The following SPRING1 variants were observed in gnomAD, a reference collection of about 807,000 sequenced individuals.
SPRING1 encodes SREBP regulating gene protein.
SPRING1 carries 14 observed loss-of-function variants against 24.7 expected under a neutral mutation model. The observed-to-expected ratio is 0.57, with a 90% confidence interval of 0.37 to 0.88. The LOEUF is 0.88. SPRING1 is among the 40% of genes least tolerant of loss of function. The pLI, the probability that SPRING1 is intolerant of heterozygous loss-of-function variation, is 0.00. For synonymous variants in SPRING1, 93 were observed against 106.1 expected (o/e 0.88, Z 0.76); for missense variants, 255 against 268.4 (o/e 0.95, Z 0.35).
rs199940069 is a variant in SPRING1, at chr12:116,719,880, T to C, written c.421-4A>G. The C allele has an allele frequency of 1.9e-6, 3 of 1,613,222 alleles. No individual in the cohort carries two copies. Among genetic ancestry groups the C allele is most frequent in the East Asian group, 2.2e-5 (1 of 44,862 alleles). ...GGAAGCGCTCCAGGAGAAGTTGCTA[T>C]GGAAACAAAAGTTAGTGCCTGTAAT... On this transcript the variant is annotated splice_region_variant and splice_polypyrimidine_tract_variant and intron_variant, in intron 3 of 4. Transcript: ENST00000261318.
chr12:116,710,238 A>G lies in SPRING1; in HGVS notation c.*7572T>C, dbSNP rs1430742558. 2.0e-5 allele frequency: 3 copies of G among 152,256 alleles called. No homozygotes were observed. Among genetic ancestry groups the G allele is most frequent in the Non-Finnish European group, 2.9e-5 (2 of 68,046 alleles). The allele number at this position is 152,256 out of a possible 1,614,324, so 9.4% of individuals were successfully genotyped here. A position where few individuals can be genotyped will look rare whatever the true frequency, so the allele number is the denominator to read the frequency against. ...ACATACAAATACAAAATCCACGTTT[A>G]TATACAAAATACAGGCAAAACGCTC... On this transcript the variant is annotated 3_prime_UTR_variant, in exon 5 of 5. Coordinates refer to ENST00000261318, the MANE Select transcript of SPRING1 (RefSeq NM_024738.4).
intron 1 of SPRING1, among the ~76,000 whole-genome samples, chr12:116,723,597 A>T (rs1269779268): frequency 1.3e-5 from 2 of 152,214 alleles, no homozygotes; most frequent in Non-Finnish European, 2.9e-5. Context: ...TACATTGTGG[A>T]ACAGAACTTA....
At chr12:116,727,452 AG>A (rs1376601117) in intron 1 of SPRING1, among the ~76,000 whole-genome samples, 9 of 152,314 alleles carry the variant, frequency 5.9e-5, no homozygotes, top group Non-Finnish European at 1.2e-4. Context: ...TCACTTCAGA[AG>A]GGCTGTATTC....
chr12:116,729,178 G>A (rs1039632558), intron 1 of SPRING1, among the ~76,000 whole-genome samples: 3 of 152,112 alleles, frequency 2.0e-5, no homozygotes, highest in Admixed American at 6.5e-5. Context: ...CTGAATCTCC[G>A]AAGCGACCTC....
intron 1 of SPRING1, 62 bp downstream of exon 1, chr12:116,737,723 GAAAGT>G: frequency 7.3e-7 from 1 of 1,364,550 alleles, no homozygotes; most frequent in South Asian, 1.4e-5. Context: ...GAAGGAAGGA[GAAAGT>G]AAAGTAAGGG....
At chr12:116,721,979 C>T (rs1870456443) in intron 2 of SPRING1, among the ~76,000 whole-genome samples, 1 of 152,168 alleles carries the variant, frequency 6.6e-6, no homozygotes. Flanking sequence ...CATCTACTAA[C>T]TCAAACGTTA....
At chr12:116,737,643 A>C in intron 1 of SPRING1, 147 bp downstream of exon 1, 4 of 843,810 alleles carry the variant, frequency 4.7e-6, no homozygotes, top group Non-Finnish European at 3.3e-6. Context: ...AAGGAAGGGA[A>C]GGGGAGAAAG....
intron 1 of SPRING1, among the ~76,000 whole-genome samples, chr12:116,724,438 G>A (rs967086785): frequency 2.8e-4 from 42 of 152,178 alleles, no homozygotes; most frequent in African/African-American, 9.7e-4. Flanking sequence ...GAAACCTGCC[G>A]GGTGTGGTGG....
chr12:116,722,869 T>C (rs1419065251), intron 2 of SPRING1, among the ~76,000 whole-genome samples, 198 bp downstream of exon 2: 2 of 152,196 alleles, frequency 1.3e-5, no homozygotes, highest in African/African-American at 4.8e-5. Flanking sequence ...GTTAGAGTTA[T>C]CAAAACAAGC....
At chr12:116,725,376 C>T (rs555810480) in intron 1 of SPRING1, among the ~76,000 whole-genome samples, 6 of 152,222 alleles carry the variant, frequency 3.9e-5, no homozygotes, top group Admixed American at 6.5e-5. Context: ...TGGTACTAGC[C>T]GCAGTTTCAG....
At chr12:116,722,996 C>G in intron 2 of SPRING1, 71 bp downstream of exon 2, 1 of 1,585,684 alleles carries the variant, frequency 6.3e-7, no homozygotes, top group Non-Finnish European at 8.6e-7. Context: ...CCTATTCAAA[C>G]AAAAACCCTA....
At position 116,711,028 on chromosome 12, in the gene SPRING1, C is replaced by CAT. The variant is rs1555254868; in HGVS notation, c.*6781_*6782insAT. On this transcript the variant is annotated 3_prime_UTR_variant, in exon 5 of 5. Transcript: ENST00000261318. ...TGTTACACACACACACACACACACA[C>CAT]GCACACACAGAGCCAATGTATGGAA... 1 of 151,884 alleles carries CAT rather than the reference C, an allele frequency of 6.6e-6. No homozygotes were observed. The highest frequency in any genetic ancestry group is 1.5e-5 in the Non-Finnish European group (1 of 67,982). 9.4% of individuals were successfully genotyped at this position (151,884 alleles called of 1,614,324 possible).
chr12:116,735,988 T>C (rs1356768943), intron 1 of SPRING1, among the ~76,000 whole-genome samples: 1 of 133,982 alleles, frequency 7.5e-6, no homozygotes, highest in East Asian at 2.1e-4. Flanking sequence ...CTGTGGTGAG[T>C]TGAGGTCGTC....
At chr12:116,724,414 G>A (rs1870585422) in intron 1 of SPRING1, among the ~76,000 whole-genome samples, 1 of 152,106 alleles carries the variant, frequency 6.6e-6, no homozygotes. Context: ...TCGTTTCGAT[G>A]GTATAAAAAA....
chr12:116,719,067 A>G (rs1022171378), intron 4 of SPRING1, among the ~76,000 whole-genome samples: 5 of 152,238 alleles, frequency 3.3e-5, no homozygotes, highest in African/African-American at 9.6e-5. Flanking sequence ...CACCATGAAT[A>G]GGAGCCAGAA....
intron 1 of SPRING1, among the ~76,000 whole-genome samples, chr12:116,730,671 G>C (rs339455): frequency 0.89 from 136,001 of 152,274 alleles, 60,887 homozygotes; most frequent in East Asian, 0.99. Flanking sequence ...ATGAGTCTGT[G>C]TTGCACATTG....
chr12:116,719,733 C>T (rs1566056297), intron 4 of SPRING1, 30 bp downstream of exon 4: 1 of 1,575,444 alleles, frequency 6.3e-7, no homozygotes, highest in Non-Finnish European at 8.7e-7. Flanking sequence ...CAGCTGCCAT[C>T]CCACAGCTAG....
intron 4 of SPRING1, 143 bp downstream of exon 4, chr12:116,719,620 T>C: frequency 4.8e-6 from 3 of 629,562 alleles, no homozygotes; most frequent in East Asian, 5.7e-5. Flanking sequence ...TTAAATACTA[T>C]CATCACACCA....
Position 116,720,370 on chromosome 12 carries a change from A to G in SPRING1, c.346T>C (p.Cys116Arg). The change falls in exon 3 of 5, where the codon TGT (cysteine) becomes CGT (arginine). Residue 116 changes from cysteine (C) to arginine (R), a missense_variant. Physicochemically the swap from Cys to Arg is radical, Grantham distance 180 (BLOSUM62 -3). Transcript: ENST00000261318. The surrounding 1 kb of genome is among the most constrained non-coding windows in gnomAD (Gnocchi z 4.0). The part of the protein sequence containing the change: ...VNVPSTKQYC[C>R]DGCWPNGCCS... ...CAGCCGTTGGGCCAGCAGCCATCAC[A>G]GCAGTACTGCTTCGTGCTAGGGACG... 6.2e-7 allele frequency: 1 copy of G among 1,614,244 alleles called. No homozygotes were observed. The highest frequency in any genetic ancestry group is 8.5e-7 in the Non-Finnish European group (1 of 1,180,032).
Sources: allele counts gnomAD v4.1 joint callset (sites outside exome capture counted in the v4.1 genomes callset), GRCh38; gene constraint gnomAD v4.1.1; non-coding constraint Gnocchi (gnomAD v3.1); transcripts MANE v1.5; gene names NCBI Gene and HGNC (gene_info 2026-07-23, HGNC 2026-07-21).